Variants in CFAP263 observed in about 807,000 individuals in gnomAD.
CFAP263 encodes the protein cilia and flagella associated protein 263, also known as cilia- and flagella-associated protein 263.
chr16:58,278,504 T>G, the CFAP263 span: 1 of 1,614,040 alleles, frequency 6.2e-7, no homozygotes, highest in East Asian at 2.2e-5. Context: ...GCCGAGGCAG[T>G]GAATAAGAGG....
At chr16:58,280,471 T>C in the CFAP263 span, 1 of 1,614,254 alleles carries the variant, frequency 6.2e-7, no homozygotes, top group Non-Finnish European at 8.5e-7. Context: ...TCTTTGTCCC[T>C]GCAAGTATGA....
At chr16:58,254,113 T>TA in the CFAP263 span, 1 of 1,614,224 alleles carries the variant, frequency 6.2e-7, no homozygotes, top group Non-Finnish European at 8.5e-7. Context: ...AAGGATGACT[T>TA]ACGACACACA....
the CFAP263 span, among the ~76,000 whole-genome samples, chr16:58,272,141 G>A: frequency 2.5e-4 from 38 of 151,352 alleles, 1 homozygote; most frequent in African/African-American, 7.5e-4. Context: ...CAGCCTCTCC[G>A]AGTAGCTGGG....
chr16:58,258,551 G>C, the CFAP263 span: 1 of 1,600,512 alleles, frequency 6.2e-7, no homozygotes, highest in Non-Finnish European at 8.5e-7. Context: ...GCTTAGAAAG[G>C]GAAAAAACAT....
the CFAP263 span, among the ~76,000 whole-genome samples, chr16:58,265,284 G>A: frequency 1.3e-5 from 2 of 152,218 alleles, no homozygotes; most frequent in African/African-American, 4.8e-5. Context: ...TCTAAAGACA[G>A]GGAGATCACC....
the CFAP263 span, chr16:58,258,552 G>A: frequency 1.9e-6 from 3 of 1,599,510 alleles, no homozygotes; most frequent in Admixed American, 3.5e-5. Flanking sequence ...CTTAGAAAGG[G>A]AAAAAACATT....
At chr16:58,271,901 G>A in the CFAP263 span, among the ~76,000 whole-genome samples, 1 of 152,156 alleles carries the variant, frequency 6.6e-6, no homozygotes, top group African/African-American at 2.4e-5. Context: ...TACTTAAGGA[G>A]TGGGGATTTA....
chr16:58,272,017 AT>A, the CFAP263 span, among the ~76,000 whole-genome samples: 19,912 of 142,310 alleles, frequency 0.14, 1,112 homozygotes, highest in East Asian at 0.2. Context: ...CCACTCATAG[AT>A]TTTTTTTTTT....
At chr16:58,280,654 AG>A in the CFAP263 span, 1 of 1,614,192 alleles carries the variant, frequency 6.2e-7, no homozygotes, top group Non-Finnish European at 8.5e-7. Flanking sequence ...CTTGGTGTAC[AG>A]AAACAGGCCA....
the CFAP263 span, among the ~76,000 whole-genome samples, chr16:58,262,122 C>T: frequency 6.6e-6 from 1 of 151,920 alleles, no homozygotes; most frequent in Non-Finnish European, 1.5e-5. Flanking sequence ...CAACACATCG[C>T]ACTGCACCAC....
the CFAP263 span, among the ~76,000 whole-genome samples, chr16:58,269,992 C>A: frequency 2.0e-5 from 3 of 152,130 alleles, no homozygotes; most frequent in Admixed American, 2.0e-4. Context: ...TTTTGTACAT[C>A]TTTGTTATTC....
chr16:58,251,301 A>G, the CFAP263 span, among the ~76,000 whole-genome samples: 2 of 152,250 alleles, frequency 1.3e-5, no homozygotes, highest in Non-Finnish European at 2.9e-5. Context: ...TCCACAGACT[A>G]CATACACCTG....
chr16:58,281,981 T>A, the CFAP263 span: 1 of 151,156 alleles, frequency 6.6e-6, no homozygotes, highest in Non-Finnish European at 1.5e-5. Flanking sequence ...TAGCTGGGGC[T>A]ACAGCTATGC....
chr16:58,283,014 G>A, the CFAP263 span: 2 of 152,198 alleles, frequency 1.3e-5, no homozygotes, highest in Non-Finnish European at 2.9e-5. Context: ...ACAGCTCCAG[G>A]TGCCCCTCTG....
At chr16:58,281,259 C>T in the CFAP263 span, 3 of 161,088 alleles carry the variant, frequency 1.9e-5, no homozygotes, top group Admixed American at 5.7e-5. Flanking sequence ...CTGCCACATA[C>T]ACTTTATCTA....
chr16:58,250,407 C>G, the CFAP263 span: 66 of 305,786 alleles, frequency 2.2e-4, no homozygotes, highest in Non-Finnish European at 3.0e-4. Flanking sequence ...TGTGCTTAGC[C>G]GATCCACAAT....
the CFAP263 span, among the ~76,000 whole-genome samples, chr16:58,276,980 A>T: frequency 5.9e-5 from 9 of 152,208 alleles, no homozygotes; most frequent in Non-Finnish European, 8.8e-5. Flanking sequence ...CACAAAACCT[A>T]AAAACAGTGT....
the CFAP263 span, chr16:58,262,259 A>C: frequency 1.2e-6 from 1 of 832,054 alleles, no homozygotes; most frequent in Non-Finnish European, 1.9e-6. Context: ...GATGCCCAAT[A>C]TGTGTTTGCT....
At chr16:58,262,092 T>C in the CFAP263 span, among the ~76,000 whole-genome samples, 1 of 149,300 alleles carries the variant, frequency 6.7e-6, no homozygotes, top group African/African-American at 2.5e-5. Context: ...CTGCCCCCAC[T>C]CCCCCACATG....
Sources: allele counts gnomAD v4.1 joint callset (sites outside exome capture counted in the v4.1 genomes callset), GRCh38; gene constraint gnomAD v4.1.1; transcripts MANE v1.5; gene names NCBI Gene and HGNC (gene_info 2026-07-23, HGNC 2026-07-21).